Variants in EBAG9 observed in about 807,000 individuals in gnomAD.
EBAG9 encodes the protein estrogen receptor binding site associated antigen 9, also known as receptor-binding cancer antigen expressed on SiSo cells.
In EBAG9, 16 loss-of-function variants were observed where a neutral mutation model predicts 30.9. The observed-to-expected ratio is 0.52, with a 90% confidence interval of 0.35 to 0.79. EBAG9 has a LOEUF of 0.79. Among genes scored for constraint, EBAG9 ranks in the 30% least tolerant of loss-of-function variants. The pLI is 0.01. For missense variants in EBAG9, 197 were observed against 242.1 expected (o/e 0.81, Z 1.24); for synonymous variants, 93 against 82.8 (o/e 1.12, Z -0.67).
chr8:109,544,033 T>TA lies in EBAG9; in HGVS notation c.-16+3592dup, dbSNP rs11337681. 7.6e-3 allele frequency among the ~76,000 whole-genome samples: 955 copies of TA among 125,850 alleles called. 12 individuals are homozygous for TA. Among genetic ancestry groups the TA allele is most frequent in the South Asian group, 0.021 (85 of 3,988 alleles). The allele number at this position is 125,850 out of a possible 152,430, so 82.6% of individuals were successfully genotyped here. On this transcript the variant is annotated intron_variant, in intron 1 of 6. Coordinates refer to ENST00000337573, the MANE Select transcript of EBAG9 (RefSeq NM_004215.5). ...TGACACAGCAAGACTCTATCTCAATTAAAAAAAAAAAAAAAAAAAAGTATG... is the reference window on the plus strand; with the variant it reads ...TGACACAGCAAGACTCTATCTCAATTAAAAAAAAAAAAAAAAAAAAAGTATG...
rs946669690 is a variant in EBAG9 at position 109,563,274 on chromosome 8, T to A, written c.522-1165T>A. ...AATATTGAGCTCCCCCAGACATAGATAATCCACTTTGGATTTTTCTGCATA... is the reference window on the plus strand; with the variant it reads ...AATATTGAGCTCCCCCAGACATAGAAAATCCACTTTGGATTTTTCTGCATA... On this transcript the variant is annotated intron_variant, in intron 6 of 6. Transcript: ENST00000337573. 9 of 1,046,510 alleles carry A rather than the reference T, an allele frequency of 8.6e-6. No homozygotes were observed. The African/African-American group carries it at 1.4e-4, about 17-fold the overall frequency. 64.8% of individuals were successfully genotyped at this position (1,046,510 alleles called of 1,614,324 possible).
intron 3 of EBAG9, 102 bp from the exon 4 acceptor site, chr8:109,554,627 G>A: frequency 8.2e-7 from 1 of 1,224,360 alleles, no homozygotes; most frequent in Non-Finnish European, 1.1e-6. Flanking sequence ...AAAAAAGTTT[G>A]AAAACCAGTG....
At chr8:109,557,665 T>C (rs951255785) in intron 5 of EBAG9, 1 of 455,956 alleles carries the variant, frequency 2.2e-6, no homozygotes, top group African/African-American at 2.0e-5. Context: ...ACACAGTTTC[T>C]GTGGATTGGG....
intron 2 of EBAG9, among the ~76,000 whole-genome samples, chr8:109,552,818 A>G (rs1821519970): frequency 6.6e-6 from 1 of 152,110 alleles, no homozygotes; most frequent in Non-Finnish European, 1.5e-5. Flanking sequence ...AGACTTGGCT[A>G]GGCATGGTAG....
intron 6 of EBAG9, chr8:109,563,386 T>C (rs1821746641): frequency 6.3e-7 from 1 of 1,596,302 alleles, no homozygotes; most frequent in Non-Finnish European, 8.5e-7. Context: ...TCTCACACCC[T>C]AACCCTTCAG....
At chr8:109,550,408 G>A (rs1417825309) in intron 1 of EBAG9, 1 of 154,294 alleles carries the variant, frequency 6.5e-6, no homozygotes, top group East Asian at 1.9e-4. Flanking sequence ...TGGATATAAG[G>A]AAATATATTC....
At chr8:109,554,995 T>G in intron 4 of EBAG9, 108 bp downstream of exon 4, 1 of 1,195,328 alleles carries the variant, frequency 8.4e-7, no homozygotes, top group Non-Finnish European at 1.2e-6. Context: ...CTTTTTTTTT[T>G]TTTAATACTT....
chr8:109,549,836 T>C (rs1821457403), intron 1 of EBAG9, among the ~76,000 whole-genome samples: 1 of 152,084 alleles, frequency 6.6e-6, no homozygotes, highest in South Asian at 2.1e-4. Flanking sequence ...GGTAATGTTA[T>C]TTTTCCTATA....
At chr8:109,559,487 A>C (rs1821669416) in intron 5 of EBAG9, among the ~76,000 whole-genome samples, 1 of 152,108 alleles carries the variant, frequency 6.6e-6, no homozygotes, top group African/African-American at 2.4e-5. Context: ...AACAAGATAC[A>C]ATTTTAAATC....
chr8:109,547,485 T>C (rs781170031), intron 1 of EBAG9, among the ~76,000 whole-genome samples: 1 of 136,082 alleles, frequency 7.3e-6, no homozygotes, highest in Non-Finnish European at 1.5e-5. Context: ...GTATATGTTC[T>C]TTTTTTTTTT....
intron 2 of EBAG9, among the ~76,000 whole-genome samples, chr8:109,551,967 A>T (rs895103684): frequency 6.6e-6 from 1 of 152,186 alleles, no homozygotes; most frequent in East Asian, 1.9e-4. Flanking sequence ...TAACTACCTT[A>T]TTCAGTGGAA....
chr8:109,562,864 G>C (rs1821737471), intron 6 of EBAG9, among the ~76,000 whole-genome samples: 1 of 151,868 alleles, frequency 6.6e-6, no homozygotes, highest in South Asian at 2.1e-4. Context: ...CATCAGGTAG[G>C]CCCTCAGAAA....
At chr8:109,563,473 C>G (rs1006640928) in intron 6 of EBAG9, 2 of 1,597,430 alleles carry the variant, frequency 1.3e-6, no homozygotes, top group African/African-American at 2.7e-5. Context: ...CTACATTAAC[C>G]AATCAGTAAA....
At chr8:109,561,701 T>TA (rs1821713993) in intron 6 of EBAG9, among the ~76,000 whole-genome samples, 1 of 152,060 alleles carries the variant, frequency 6.6e-6, no homozygotes, top group African/African-American at 2.4e-5. Flanking sequence ...AGATTGTTTT[T>TA]ACCATAGGAA....
chr8:109,546,695 A>G (rs1821391602), intron 1 of EBAG9, among the ~76,000 whole-genome samples: 1 of 152,138 alleles, frequency 6.6e-6, no homozygotes, highest in South Asian at 2.1e-4. Context: ...GCCCAAGATA[A>G]TTCTTTTTCC....
intron 5 of EBAG9, chr8:109,557,770 G>A (rs1355255568): frequency 1.1e-5 from 5 of 444,230 alleles, no homozygotes; most frequent in Non-Finnish European, 2.3e-5. Flanking sequence ...CTGAAGGCTT[G>A]ATTGTGGTCG....
chr8:109,542,508 AGAGT>A (rs1821296576), intron 1 of EBAG9, among the ~76,000 whole-genome samples: 1 of 152,220 alleles, frequency 6.6e-6, no homozygotes, highest in Admixed American at 6.5e-5. Flanking sequence ...ACATACTGAT[AGAGT>A]ATCTCCTTGA....
At position 109,545,267 on chromosome 8, in the gene EBAG9, A is replaced by G. The variant is rs538701947; in HGVS notation, c.-16+4806A>G. ...AACCCGGGAAGCGGAAGTTGCGGTG[A>G]GCTGAGATTGCACCATGGCACTCCA... On this transcript the variant is annotated intron_variant, in intron 1 of 6. Transcript: ENST00000337573. 8.3e-5 allele frequency among the ~76,000 whole-genome samples: 11 copies of G among 132,936 alleles called. No individual in the cohort carries two copies. The East Asian group carries it at 2.9e-3, about 35-fold the overall frequency. 87.2% of individuals were successfully genotyped at this position (132,936 alleles called of 152,430 possible).
intron 1 of EBAG9, among the ~76,000 whole-genome samples, chr8:109,543,003 G>A (rs761855120): frequency 1.9e-4 from 29 of 151,994 alleles, no homozygotes; most frequent in Non-Finnish European, 1.5e-4. Flanking sequence ...GGTCTTTTTG[G>A]CAATTAGGTG....
Sources: allele counts gnomAD v4.1 joint callset (sites outside exome capture counted in the v4.1 genomes callset), GRCh38; gene constraint gnomAD v4.1.1; transcripts MANE v1.5; gene names NCBI Gene and HGNC (gene_info 2026-07-23, HGNC 2026-07-21).